The following MCM5 variants were observed in gnomAD, a reference collection of about 807,000 sequenced individuals.
MCM5 encodes the protein DNA replication licensing factor MCM5.
Under a neutral mutation model 79.9 loss-of-function variants are expected in MCM5, and 46 were observed. The ratio of observed to expected loss-of-function variants is 0.58; its 90% CI spans 0.45 to 0.74. MCM5 has a LOEUF of 0.74. MCM5 is among the 30% of genes least tolerant of loss of function. The probability of loss-of-function intolerance (pLI) is 0.00; values close to 1 mark genes in which losing one functional copy is unlikely to be tolerated. For synonymous variants in MCM5, 404 were observed against 390.5 expected, an observed-to-expected ratio of 1.03 and a Z score of -0.41; for missense variants, 883 against 1,017.0, an observed-to-expected ratio of 0.87 and a Z score of 1.79.
At chr22:35,403,757 C>T (rs1283174362) in intron 4 of MCM5, among the ~76,000 whole-genome samples, 8 of 152,134 alleles carry the variant, frequency 5.3e-5, no homozygotes, top group Admixed American at 5.2e-4. Flanking sequence ...TAAAGCTTCA[C>T]CCAGATTTAA....
At chr22:35,430,532 G>A in the MCM5 span, among the ~76,000 whole-genome samples, 4 of 140,884 alleles carry the variant, frequency 2.8e-5, no homozygotes, top group African/African-American at 5.3e-5. Flanking sequence ...ATGGAGTCTC[G>A]CTCTGTCGCC....
the MCM5 span, among the ~76,000 whole-genome samples, chr22:35,448,072 C>G: frequency 3.3e-5 from 5 of 152,184 alleles, no homozygotes; most frequent in Non-Finnish European, 5.9e-5. Flanking sequence ...CCCACACATG[C>G]GGTGTCTCAT....
chr22:35,401,803 C>T, intron 2 of MCM5: 2 of 435,368 alleles, frequency 4.6e-6, no homozygotes, highest in Non-Finnish European at 9.5e-6. Context: ...GTCATTTCCT[C>T]CACAGAGGAA....
the MCM5 span, among the ~76,000 whole-genome samples, chr22:35,447,785 G>T: frequency 6.6e-6 from 1 of 152,118 alleles, no homozygotes; most frequent in Non-Finnish European, 1.5e-5. Flanking sequence ...AACTCTTAAG[G>T]AGGAAACCGT....
chr22:35,451,278 A>G, the MCM5 span, among the ~76,000 whole-genome samples: 1 of 79,954 alleles, frequency 1.3e-5, no homozygotes, highest in African/African-American at 3.4e-5. Context: ...TCGATGAAGA[A>G]TGACGGGAGA....
intron 9 of MCM5, 87 bp downstream of exon 9, chr22:35,414,073 G>C: frequency 3.7e-6 from 3 of 809,558 alleles, no homozygotes; most frequent in Non-Finnish European, 6.3e-6. Flanking sequence ...GACACCTGTG[G>C]TGGGCTGGCT....
the MCM5 span, among the ~76,000 whole-genome samples, chr22:35,431,852 C>T: frequency 6.6e-6 from 1 of 152,182 alleles, no homozygotes; most frequent in African/African-American, 2.4e-5. Flanking sequence ...AGGGGGCCCT[C>T]CTTCCAGAAA....
intron 16 of MCM5, 144 bp downstream of exon 16, chr22:35,423,485 T>C: frequency 1.1e-6 from 1 of 870,030 alleles, no homozygotes. Context: ...CTCAGACCTT[T>C]TCTAGCCATC....
At chr22:35,438,652 C>CACCCACATATTCATCCATCCATCT in the MCM5 span, among the ~76,000 whole-genome samples, 1 of 41,514 alleles carries the variant, frequency 2.4e-5, no homozygotes, top group African/African-American at 1.1e-4. Flanking sequence ...TCCATCCATC[C>CACCCACATATTCATCCATCCATCT]ATCCGTCCAT....
chr22:35,413,860 C>A lies in MCM5; in HGVS notation c.1092-15C>A, dbSNP rs767107165. The A allele has an allele frequency of 2.7e-6, 4 of 1,484,470 alleles. No homozygotes were observed. The Admixed American group carries it at 5.0e-5, about 19-fold the overall frequency. The allele number at this position is 1,484,470 out of a possible 1,614,324, so 92.0% of individuals were successfully genotyped here. On this transcript the variant is annotated splice_polypyrimidine_tract_variant and intron_variant, in intron 8 of 16. Transcript: ENST00000216122. ...CATGGATTCTCACCTTGTCCATCTA[C>A]CCTTCGTCCCCCAGGCTCCCTGATG... is the stretch of plus-strand genomic sequence containing the variant.
At chr22:35,400,698 G>C in intron 2 of MCM5, 93 bp downstream of exon 2, 2 of 1,369,910 alleles carry the variant, frequency 1.5e-6, no homozygotes, top group Non-Finnish European at 1.9e-6. Context: ...TCAGGGCACA[G>C]ATGGGCCCAG....
the MCM5 span, among the ~76,000 whole-genome samples, chr22:35,453,480 A>AGACC: frequency 6.9e-6 from 1 of 145,868 alleles, no homozygotes; most frequent in Non-Finnish European, 1.5e-5. Context: ...AAAGAGACAG[A>AGACC]GGGACAGATA....
intron 4 of MCM5, among the ~76,000 whole-genome samples, chr22:35,404,565 T>G (rs1192192064): frequency 6.6e-6 from 1 of 152,202 alleles, no homozygotes; most frequent in Non-Finnish European, 1.5e-5. Flanking sequence ...CAAGAACGCT[T>G]ATGGGTGGTA....
chr22:35,413,212 T>G (rs1932439469), intron 8 of MCM5, among the ~76,000 whole-genome samples: 1 of 151,902 alleles, frequency 6.6e-6, no homozygotes, highest in South Asian at 2.1e-4. Context: ...CCAGCTAATT[T>G]TTTTTGTATT....
the MCM5 span, among the ~76,000 whole-genome samples, chr22:35,439,222 TCCAAATATTCATCCATCCATCCAC>T: frequency 6.6e-6 from 1 of 150,730 alleles, no homozygotes; most frequent in Non-Finnish European, 1.5e-5. Context: ...CATCCATCCA[TCCAAATATTCATCCATCCATCCAC>T]CCACCCACAT....
chr22:35,406,297 C>CCG (rs1047855878), intron 4 of MCM5, among the ~76,000 whole-genome samples: 2 of 54,396 alleles, frequency 3.7e-5, no homozygotes, highest in African/African-American at 1.9e-4. Context: ...TGCCCTGCCA[C>CCG]CTCCCCCCCC....
chr22:35,439,133 A>G, the MCM5 span, among the ~76,000 whole-genome samples: 1 of 151,700 alleles, frequency 6.6e-6, no homozygotes, highest in South Asian at 2.1e-4. Flanking sequence ...CCATCCATCC[A>G]TCCACTCACA....
At position 35,400,484 on chromosome 22, in the gene MCM5, G is replaced by GGGGGCGACGCCC; in HGVS notation, c.47_58dup (p.Ala19_Gln20insArgGlyAspAla). 1 of 1,614,070 alleles carries GGGGGCGACGCCC rather than the reference G, an allele frequency of 6.2e-7. No homozygotes were observed. ...TGGCATTTTCTACAGCGACAGCTTC[G>GGGGGCGACGCCC]GGGGCGACGCCCAGGCCGACGAGGG... On this transcript the variant is annotated inframe_insertion, in exon 2 of 17. Transcript: ENST00000216122.
chr22:35,406,180 G>T (rs1286985871), intron 4 of MCM5, among the ~76,000 whole-genome samples: 2 of 151,928 alleles, frequency 1.3e-5, no homozygotes, highest in Non-Finnish European at 2.9e-5. Context: ...TCCCAGGTTT[G>T]TTCTGTGTTG....
Sources: allele counts gnomAD v4.1 joint callset (sites outside exome capture counted in the v4.1 genomes callset), GRCh38; gene constraint gnomAD v4.1.1; transcripts MANE v1.5; gene names NCBI Gene and HGNC (gene_info 2026-07-23, HGNC 2026-07-21).